The following SPON1 variants were observed in gnomAD, a reference collection of about 807,000 sequenced individuals.
SPON1 encodes the protein spondin 1.
Under a neutral mutation model 111.7 loss-of-function variants are expected in SPON1, and 52 were observed. That is an observed-to-expected ratio of 0.47 (90% CI 0.37 to 0.59). The LOEUF (loss-of-function observed/expected upper bound fraction) is 0.59, where lower values mean the gene tolerates loss of function less well. SPON1 is among the 20% of genes least tolerant of loss of function. The pLI is 0.00. For missense variants in SPON1, 957 were observed against 1,068.5 expected, an observed-to-expected ratio of 0.90 and a Z score of 1.46; for synonymous variants, 410 against 395.8, an observed-to-expected ratio of 1.04 and a Z score of -0.43.
chr11:14,090,824 G>GCCCCCCCCCCCCCCCCC (rs1176498162), intron 5 of SPON1, among the ~76,000 whole-genome samples: 1 of 45,582 alleles, frequency 2.2e-5, no homozygotes, highest in Non-Finnish European at 3.9e-5. Context: ...CTCTTATCTG[G>GCCCCCCCCCCCCCCCCC]CCCCCCCCCC....
chr11:14,142,867 C>T (rs1428178174), intron 6 of SPON1, among the ~76,000 whole-genome samples: 1 of 152,196 alleles, frequency 6.6e-6, no homozygotes, highest in South Asian at 2.1e-4. Context: ...AAAACCCTCA[C>T]GAAAGCTGGA....
At chr11:13,980,230 T>C (rs1554909451) in intron 1 of SPON1, among the ~76,000 whole-genome samples, 1 of 152,048 alleles carries the variant, frequency 6.6e-6, no homozygotes, top group Non-Finnish European at 1.5e-5. Flanking sequence ...TTAGTAGAGA[T>C]GGGGTTTCAC....
chr11:14,178,045 A>ACACACACACACACACACACACACAC (rs1848197407), intron 6 of SPON1, among the ~76,000 whole-genome samples: 2 of 142,604 alleles, frequency 1.4e-5, no homozygotes, highest in Admixed American at 7.0e-5. Context: ...CACACACACA[A>ACACACACACACACACACACACACAC]ACACACACAC....
chr11:14,198,142 C>T (rs572429678), intron 6 of SPON1, among the ~76,000 whole-genome samples: 2 of 152,312 alleles, frequency 1.3e-5, no homozygotes, highest in Non-Finnish European at 2.9e-5. Context: ...GCTCTCAAAT[C>T]GGTGCCTAAT....
chr11:13,968,259 C>T (rs1048936239), intron 1 of SPON1, among the ~76,000 whole-genome samples: 1 of 152,132 alleles, frequency 6.6e-6, no homozygotes. Context: ...GTGTTTTAAA[C>T]AAGAGGTAAA....
chr11:14,140,440 G>C (rs1357723173), intron 6 of SPON1, among the ~76,000 whole-genome samples: 5 of 152,118 alleles, frequency 3.3e-5, no homozygotes, highest in Admixed American at 2.6e-4. Context: ...TGTCACCCTG[G>C]CTGGAGTGCA....
intron 6 of SPON1, among the ~76,000 whole-genome samples, chr11:14,190,229 C>A (rs1190262017): frequency 4.8e-5 from 6 of 124,932 alleles, no homozygotes; most frequent in Non-Finnish European, 7.3e-5. Flanking sequence ...CAGGTCCTTC[C>A]CTCACTCCAG....
intron 7 of SPON1, among the ~76,000 whole-genome samples, chr11:14,251,478 G>A (rs782183681): frequency 2.0e-5 from 3 of 152,172 alleles, no homozygotes; most frequent in Admixed American, 6.5e-5. Flanking sequence ...CAGGTTCCAG[G>A]GTAATGTGTT....
intron 2 of SPON1, 127 bp downstream of exon 2, chr11:13,983,080 T>C: frequency 1.6e-6 from 1 of 637,484 alleles, no homozygotes; most frequent in Non-Finnish European, 2.8e-6. Context: ...GGCAGGTCCA[T>C]TTGAAAGGGT....
At chr11:14,165,451 C>T (rs1554931798) in intron 6 of SPON1, among the ~76,000 whole-genome samples, 1 of 152,166 alleles carries the variant, frequency 6.6e-6, no homozygotes, top group South Asian at 2.1e-4. Context: ...TGAGTGTACT[C>T]ATGCAGGCCT....
At chr11:14,079,633 C>T (rs868929565) in intron 4 of SPON1, among the ~76,000 whole-genome samples, 19 of 151,786 alleles carry the variant, frequency 1.3e-4, no homozygotes, top group African/African-American at 4.4e-4. Flanking sequence ...TAAATATTCT[C>T]GAATAGCCTA....
At chr11:14,257,226 T>A (rs933809331) in intron 10 of SPON1, among the ~76,000 whole-genome samples, 2 of 152,230 alleles carry the variant, frequency 1.3e-5, no homozygotes, top group African/African-American at 2.4e-5. Flanking sequence ...AGAACTTGCT[T>A]CATACAGTTG....
intron 5 of SPON1, among the ~76,000 whole-genome samples, chr11:14,134,151 G>T (rs1403981343): frequency 6.6e-6 from 1 of 151,858 alleles, no homozygotes; most frequent in Non-Finnish European, 1.5e-5. Context: ...ATGTTAGTTG[G>T]GTTCACCCAG....
At chr11:14,149,369 A>T (rs782724669) in intron 6 of SPON1, among the ~76,000 whole-genome samples, 1 of 152,244 alleles carries the variant, frequency 6.6e-6, no homozygotes, top group Non-Finnish European at 1.5e-5. Flanking sequence ...GAATGAAAAC[A>T]TTCTTGTACA....
At chr11:13,966,774 G>C (rs1848020947) in intron 1 of SPON1, among the ~76,000 whole-genome samples, 2 of 152,106 alleles carry the variant, frequency 1.3e-5, no homozygotes, top group South Asian at 2.1e-4. Flanking sequence ...GGTCCTCCTT[G>C]GTCACATATT....
intron 6 of SPON1, among the ~76,000 whole-genome samples, chr11:14,206,554 T>C (rs1848519037): frequency 6.6e-6 from 1 of 152,194 alleles, no homozygotes; most frequent in African/African-American, 2.4e-5. Context: ...CTCTTAGAAG[T>C]AATAATTGTG....
chr11:14,023,896 G>A (rs1848498269), intron 2 of SPON1, among the ~76,000 whole-genome samples: 1 of 152,112 alleles, frequency 6.6e-6, no homozygotes, highest in Non-Finnish European at 1.5e-5. Context: ...CAGCTACTTG[G>A]GAGGCTGAGG....
intron 6 of SPON1, among the ~76,000 whole-genome samples, chr11:14,202,683 C>T (rs1254993491): frequency 3.3e-5 from 5 of 152,180 alleles, no homozygotes; most frequent in Admixed American, 3.3e-4. Flanking sequence ...CATGCCAGAC[C>T]CGGTGTTTCA....
chr11:14,147,149 C>T (rs1179677030), intron 6 of SPON1, among the ~76,000 whole-genome samples: 1 of 149,664 alleles, frequency 6.7e-6, no homozygotes, highest in South Asian at 2.1e-4. Flanking sequence ...CCTGTCTCAG[C>T]CTCCTGAGTA....
Sources: allele counts gnomAD v4.1 joint callset (sites outside exome capture counted in the v4.1 genomes callset), GRCh38; gene constraint gnomAD v4.1.1; transcripts MANE v1.5; gene names NCBI Gene and HGNC (gene_info 2026-07-23, HGNC 2026-07-21).